Variants in PDE4D observed in about 807,000 individuals in gnomAD.
PDE4D encodes the protein phosphodiesterase 4D, also known as 3',5'-cyclic-AMP phosphodiesterase 4D.
A neutral mutation model predicts 87.4 loss-of-function variants in PDE4D; 24 were observed. The ratio of observed to expected loss-of-function variants is 0.27; its 90% CI spans 0.20 to 0.39. PDE4D has a LOEUF of 0.39. Ranked by LOEUF, PDE4D falls within the 10% of genes least tolerant of loss-of-function variation. The pLI is 1.00. For synonymous variants in PDE4D, 384 were observed against 383.2 expected, an observed-to-expected ratio of 1.00 and a Z score of -0.02; for missense variants, 714 against 1,041.0, an observed-to-expected ratio of 0.69 and a Z score of 4.32.
intron 1 of PDE4D, among the ~76,000 whole-genome samples, chr5:59,820,833 A>G (rs1414649676): frequency 6.6e-6 from 1 of 152,234 alleles, no homozygotes; most frequent in African/African-American, 2.4e-5. Context: ...AGTAAGCGAT[A>G]ACTACTCACA....
chr5:59,982,670 G>A (rs1323543967), intron 3 of PDE4D, among the ~76,000 whole-genome samples: 2 of 152,196 alleles, frequency 1.3e-5, no homozygotes, highest in Admixed American at 1.3e-4. Context: ...GCACTTGAAA[G>A]CAAGACATGT....
At chr5:59,687,711 C>T (rs987059682) in intron 1 of PDE4D, among the ~76,000 whole-genome samples, 1 of 152,122 alleles carries the variant, frequency 6.6e-6, no homozygotes, top group Non-Finnish European at 1.5e-5. Flanking sequence ...CAAATTCACA[C>T]ATAACAATAT....
At chr5:59,874,341 A>G (rs1748248998) in intron 1 of PDE4D, among the ~76,000 whole-genome samples, 1 of 152,218 alleles carries the variant, frequency 6.6e-6, no homozygotes. Flanking sequence ...TGGAAATTTT[A>G]TCACATCAAT....
chr5:59,079,832 A>AG (rs1766367668), intron 5 of PDE4D, among the ~76,000 whole-genome samples: 1 of 131,392 alleles, frequency 7.6e-6, no homozygotes, highest in Admixed American at 8.1e-5. Flanking sequence ...AAGGAAAGGA[A>AG]AGGAGGGGAG....
At chr5:59,235,780 G>A (rs759788223) in intron 1 of PDE4D, among the ~76,000 whole-genome samples, 33 of 152,236 alleles carry the variant, frequency 2.2e-4, no homozygotes, top group Admixed American at 7.2e-4. Flanking sequence ...GCTGGAAAAG[G>A]ATTTTAGCAA....
intron 1 of PDE4D, among the ~76,000 whole-genome samples, chr5:59,520,735 C>T (rs1378125553): frequency 6.6e-6 from 1 of 152,036 alleles, no homozygotes; most frequent in Non-Finnish European, 1.5e-5. Flanking sequence ...GGATTTACTA[C>T]ATAACTTTCA....
chr5:59,453,840 T>G (rs1799513365), intron 1 of PDE4D, among the ~76,000 whole-genome samples: 1 of 152,230 alleles, frequency 6.6e-6, no homozygotes, highest in Admixed American at 6.5e-5. Context: ...ACAACAAATT[T>G]CAAATGTAGA....
chr5:59,708,905 C>CT (rs1163498058), intron 1 of PDE4D, among the ~76,000 whole-genome samples: 3,932 of 135,302 alleles, frequency 0.029, 72 homozygotes, highest in African/African-American at 0.056. Flanking sequence ...TCTCATCTGG[C>CT]TTTTTTTTTT....
At chr5:59,986,858 T>C (rs1762500099) in intron 3 of PDE4D, 1 of 152,186 alleles carries the variant, frequency 6.6e-6, no homozygotes, top group Non-Finnish European at 1.5e-5. Context: ...AAACTCTAGG[T>C]ACTGAGTCTT....
chr5:59,894,038 C>G (rs1234943147), upstream of PDE4D, among the ~76,000 whole-genome samples: 7 of 152,280 alleles, frequency 4.6e-5, no homozygotes, highest in Non-Finnish European at 4.4e-5. Flanking sequence ...CAGTGGTAGC[C>G]GCCTCCAGGG....
At chr5:59,265,963 C>G (rs1762791317) in intron 1 of PDE4D, among the ~76,000 whole-genome samples, 1 of 152,062 alleles carries the variant, frequency 6.6e-6, no homozygotes, top group Non-Finnish European at 1.5e-5. Context: ...ATTACAGCTA[C>G]TTACTTAGCT....
chr5:59,123,251 C>T (rs192669014), intron 5 of PDE4D, among the ~76,000 whole-genome samples: 1 of 152,170 alleles, frequency 6.6e-6, no homozygotes, highest in Non-Finnish European at 1.5e-5. Flanking sequence ...GGAAGTCACA[C>T]ATAGTCTTCT....
At chr5:59,652,704 T>TA (rs1481312910) in intron 1 of PDE4D, among the ~76,000 whole-genome samples, 1 of 152,188 alleles carries the variant, frequency 6.6e-6, no homozygotes, top group African/African-American at 2.4e-5. Context: ...AGGGCAATTA[T>TA]AAAACCTTGT....
At position 58,970,920 on chromosome 5, in the gene PDE4D, A is replaced by T. The variant is rs1176391382; in HGVS notation, c.*3744T>A. On this transcript the variant is annotated 3_prime_UTR_variant, in exon 15 of 15. Transcript: ENST00000340635. ...TGTGTTTCCGAGTTAAAAAAAAAAA[A>T]AAAGGAAATAATCAAATGCAAGTAG... 1 of 152,002 alleles carries T rather than the reference A, an allele frequency of 6.6e-6. No individual in the cohort carries two copies. The highest frequency in any genetic ancestry group is 1.5e-5 in the Non-Finnish European group (1 of 67,990). The allele number at this position is 152,002 out of a possible 1,614,324, so 9.4% of individuals were successfully genotyped here. A position where few individuals can be genotyped will look rare whatever the true frequency, so the allele number is the denominator to read the frequency against.
At chr5:59,395,419 T>TCTCTGAC (rs1789198846) in intron 1 of PDE4D, among the ~76,000 whole-genome samples, 1 of 152,240 alleles carries the variant, frequency 6.6e-6, no homozygotes, top group East Asian at 1.9e-4. Flanking sequence ...CTCAAGTGGG[T>TCTCTGAC]CTCTGACCCC....
chr5:59,474,370 G>A (rs1802953461), intron 1 of PDE4D, among the ~76,000 whole-genome samples: 4 of 152,072 alleles, frequency 2.6e-5, no homozygotes, highest in African/African-American at 9.7e-5. Flanking sequence ...GGAGAATTTG[G>A]AAAGGAGTAC....
chr5:60,005,468 C>CCA (rs147174384), intron 2 of PDE4D, among the ~76,000 whole-genome samples: 297 of 150,662 alleles, frequency 2.0e-3, no homozygotes, highest in Non-Finnish European at 3.2e-3. Context: ...TTAATCCTTA[C>CCA]CACACACACA....
intron 1 of PDE4D, among the ~76,000 whole-genome samples, chr5:59,725,503 A>G (rs1348595627): frequency 6.6e-6 from 1 of 152,116 alleles, no homozygotes; most frequent in Non-Finnish European, 1.5e-5. Context: ...GAGTATATTC[A>G]TTGCCCAAAA....
intron 1 of PDE4D, among the ~76,000 whole-genome samples, chr5:60,463,257 A>C (rs1747096680): frequency 6.6e-6 from 1 of 152,160 alleles, no homozygotes; most frequent in Non-Finnish European, 1.5e-5. Context: ...AGTTTCTAGG[A>C]AAGTCTATGG....
Sources: allele counts gnomAD v4.1 joint callset (sites outside exome capture counted in the v4.1 genomes callset), GRCh38; gene constraint gnomAD v4.1.1; transcripts MANE v1.5; gene names NCBI Gene and HGNC (gene_info 2026-07-23, HGNC 2026-07-21).